Variants in ZC3H13 observed in about 807,000 individuals in gnomAD.
ZC3H13 encodes zinc finger CCCH domain-containing protein 13.
A neutral mutation model predicts 204.1 loss-of-function variants in ZC3H13; 64 were observed. The observed-to-expected ratio is 0.31, with a 90% CI of 0.26 to 0.39. ZC3H13 has a LOEUF of 0.39. ZC3H13 is among the 10% of genes least tolerant of loss of function. The pLI is 1.00. For synonymous variants in ZC3H13, 667 were observed against 693.7 expected (o/e 0.96, Z 0.60); for missense variants, 1,833 against 2,082.7 (o/e 0.88, Z 2.33).
At chr13:45,972,554 C>A (rs563601381) in intron 12 of ZC3H13, among the ~76,000 whole-genome samples, 223 of 152,178 alleles carry the variant, frequency 1.5e-3, no homozygotes, top group African/African-American at 5.1e-3. Flanking sequence ...TAACCAAAAA[C>A]CTCTTGTACC....
intron 7 of ZC3H13, among the ~76,000 whole-genome samples, chr13:46,007,285 G>T (rs1242534881): frequency 2.6e-5 from 4 of 152,114 alleles, no homozygotes; most frequent in Non-Finnish European, 5.9e-5. Flanking sequence ...CCACCTCCAG[G>T]CCCAAATTTC....
chr13:45,983,628 T>C (rs1953904278), intron 10 of ZC3H13, among the ~76,000 whole-genome samples: 2 of 149,466 alleles, frequency 1.3e-5, no homozygotes, highest in African/African-American at 2.5e-5. Context: ...GGGGTTTCAC[T>C]GTGTTAGCCA....
chr13:46,017,337 C>T (rs948379245), intron 5 of ZC3H13, among the ~76,000 whole-genome samples: 3 of 152,034 alleles, frequency 2.0e-5, no homozygotes, highest in Admixed American at 1.3e-4. Context: ...GCCTGGTGTA[C>T]TCATTCTCCC....
In ZC3H13 at chr13:45,988,817, A is replaced by T. The variant is rs752622782; in HGVS notation, c.1225T>A (p.Ser409Thr). Residue 409 changes from serine (S) to threonine (T), a missense_variant, in exon 9 of 19, where the codon TCT becomes ACT. By Grantham distance (58) the Ser-to-Thr change is moderately conservative. Around this residue, in one of 5 missense-constraint regions of ZC3H13, gnomAD observed 1,574 missense variants for 1,757.2 expected, o/e 0.90. Coordinates refer to ENST00000679008, the MANE Select transcript of ZC3H13 (RefSeq NM_001330564.2). ...GRHDHERTSQSHDRRHERRED... is the reference protein window; with the variant it reads ...GRHDHERTSQTHDRRHERRED... ...CTCCTTTCATGGCGTCGATCATGAG[A>T]CTGTGAAGTTCGTTCATGATCATGT... 1.3e-5 allele frequency: 21 copies of T among 1,613,706 alleles called. No homozygotes were observed. In the South Asian group the frequency reaches 2.2e-4, roughly 17 times the overall value.
At chr13:45,982,021 T>TA (rs763373147) in intron 10 of ZC3H13, among the ~76,000 whole-genome samples, 175 of 148,132 alleles carry the variant, frequency 1.2e-3, no homozygotes, top group Non-Finnish European at 1.9e-3. Context: ...AGTATAATAA[T>TA]AATAAAATAA....
intron 10 of ZC3H13, 136 bp downstream of exon 10, chr13:45,985,161 G>T: frequency 1.0e-6 from 1 of 968,540 alleles, no homozygotes; most frequent in South Asian, 2.0e-5. Context: ...AATTTATAAG[G>T]AAGACTACAA....
intron 4 of ZC3H13, among the ~76,000 whole-genome samples, chr13:46,025,162 AAAGTT>A (rs1437693048): frequency 3.3e-5 from 5 of 152,218 alleles, no homozygotes; most frequent in Admixed American, 2.0e-4. Flanking sequence ...ATCCACTACT[AAAGTT>A]ATCATTCAAG....
chr13:45,998,005 T>C (rs890547571), intron 8 of ZC3H13, among the ~76,000 whole-genome samples: 1 of 152,216 alleles, frequency 6.6e-6, no homozygotes, highest in Non-Finnish European at 1.5e-5. Flanking sequence ...AAGTAACTGT[T>C]GGATGAATGA....
intron 7 of ZC3H13, chr13:46,010,143 G>T: frequency 2.5e-6 from 1 of 392,474 alleles, no homozygotes. Context: ...AAGCTCTGAA[G>T]CATATGTGGA....
chr13:46,020,482 C>T lies in ZC3H13; in HGVS notation c.415G>A (p.Glu139Lys). ...ITKERTPESE[E>K]ENVEWETNRD... is the part of the protein sequence containing the mutation. ...TTAGTTTCCCATTCTACATTTTCTT[C>T]TTCACTTTCTGGAGTTCTTTCCTTA... is the stretch of plus-strand genomic sequence containing the variant. The change falls in exon 5 of 19, where the codon GAA (glutamate) becomes AAA (lysine). Residue 139 changes from glutamate to lysine, a missense_variant. Physicochemically the swap from Glu to Lys is moderately conservative, Grantham distance 56 (BLOSUM62 1). Around this residue, in one of 5 missense-constraint regions of ZC3H13, gnomAD observed 1,574 missense variants for 1,757.2 expected, o/e 0.90. Coordinates refer to ENST00000679008, the MANE Select transcript of ZC3H13 (RefSeq NM_001330564.2). 1 of 1,611,102 alleles carries T rather than the reference C, an allele frequency of 6.2e-7. No homozygotes were observed. The highest frequency in any genetic ancestry group is 8.5e-7 in the Non-Finnish European group (1 of 1,178,656).
intron 9 of ZC3H13, 45 bp downstream of exon 9, chr13:45,988,742 G>A: frequency 1.9e-6 from 3 of 1,552,284 alleles, no homozygotes; most frequent in Non-Finnish European, 2.6e-6. Context: ...CAATAAAGCT[G>A]GATGTTCAAT....
At chr13:45,984,491 T>G (rs1050893288) in intron 10 of ZC3H13, among the ~76,000 whole-genome samples, 3 of 152,122 alleles carry the variant, frequency 2.0e-5, no homozygotes, top group African/African-American at 7.2e-5. Flanking sequence ...ATTAAGTTGA[T>G]GCATTGAAAT....
At chr13:46,048,740 G>C (rs1165261447) in intron 1 of ZC3H13, among the ~76,000 whole-genome samples, 1 of 151,766 alleles carries the variant, frequency 6.6e-6, no homozygotes, top group Non-Finnish European at 1.5e-5. Context: ...GTGACATCAA[G>C]AACTATTCAA....
Position 45,990,668 on chromosome 13 carries a change from C to G in ZC3H13, c.945-1571G>C, listed in dbSNP as rs900030329. Among the ~76,000 whole-genome samples the G allele has an allele frequency of 3.3e-5, 5 of 152,248 alleles. No individual in the cohort carries two copies. The East Asian group carries it at 9.6e-4, about 29-fold the overall frequency. On this transcript the variant is annotated intron_variant, in intron 8 of 18. Coordinates refer to ENST00000679008, the MANE Select transcript of ZC3H13 (RefSeq NM_001330564.2). ...AGTGGAAATACTCAACGGGTCTTAG[C>G]CAAATTTGGAAAACCATTTATGATC...
rs1172881224 is a variant in ZC3H13, at chr13:46,048,177, T to C, written c.-9-2661A>G. On this transcript the variant is annotated intron_variant, in intron 1 of 18. Transcript: ENST00000679008. ...TTCCAGGTATTAACTCTACAGTTTCTTTTTCTGGTCTGTCCTCTGTTGCCT... is the reference window on the plus strand; with the variant it reads ...TTCCAGGTATTAACTCTACAGTTTCCTTTTCTGGTCTGTCCTCTGTTGCCT... Among the ~76,000 whole-genome samples the C allele has an allele frequency of 2.0e-5, 3 of 152,220 alleles. No individual in the cohort carries two copies. The East Asian group carries it at 5.8e-4, about 29-fold the overall frequency.
At chr13:45,990,273 C>CA (rs2039877429) in intron 8 of ZC3H13, among the ~76,000 whole-genome samples, 1 of 152,122 alleles carries the variant, frequency 6.6e-6, no homozygotes, top group Non-Finnish European at 1.5e-5. Context: ...CTCTACCAGG[C>CA]AAAATCACCC....
At chr13:46,021,177 T>A (rs972366433) in intron 4 of ZC3H13, among the ~76,000 whole-genome samples, 2 of 152,006 alleles carry the variant, frequency 1.3e-5, no homozygotes, top group Non-Finnish European at 2.9e-5. Context: ...CCCATTTTGA[T>A]GAAACCAAAT....
rs201078415 is a variant in ZC3H13 at position 46,003,217 on chromosome 13, C to T, written c.866G>A (p.Arg289Lys). 6 of 1,612,812 alleles carry T rather than the reference C, an allele frequency of 3.7e-6. No homozygotes were observed. Among genetic ancestry groups the T allele is most frequent in the Non-Finnish European group, 5.1e-6 (6 of 1,179,622 alleles). ...TCCATCTCTTGTTTTTTCTTCTATC[C>T]TGTCTTTTACTTTATATTTTTCTTT... ...KYKEKYKVKD[R>K]IEEKTRDGKD... is the part of the protein sequence containing the mutation. The change falls in exon 8 of 19, where the codon AGG becomes AAG. Residue 289 changes from arginine (R) to lysine (K), a missense_variant. Coordinates refer to ENST00000679008, the MANE Select transcript of ZC3H13 (RefSeq NM_001330564.2).
intron 5 of ZC3H13, among the ~76,000 whole-genome samples, chr13:46,017,635 T>C (rs1229496950): frequency 6.6e-6 from 1 of 152,078 alleles, no homozygotes; most frequent in Non-Finnish European, 1.5e-5. Context: ...AAACATAAAA[T>C]ACACAAGGAT....
Sources: allele counts gnomAD v4.1 joint callset (sites outside exome capture counted in the v4.1 genomes callset), GRCh38; gene constraint gnomAD v4.1.1; regional missense constraint gnomAD v4.1.1; transcripts MANE v1.5; gene names NCBI Gene and HGNC (gene_info 2026-07-23, HGNC 2026-07-21).